SDC1: variants seen among roughly 807,000 people sequenced by gnomAD.
SDC1 encodes the protein syndecan-1.
Under a neutral mutation model 29.7 loss-of-function variants are expected in SDC1, and 14 were observed. The ratio of observed to expected loss-of-function variants is 0.47; its 90% CI spans 0.31 to 0.74. The LOEUF (loss-of-function observed/expected upper bound fraction) is 0.74, where lower values mean the gene tolerates loss of function less well. SDC1 is among the 30% of genes least tolerant of loss of function. SDC1 has a pLI of 0.05. For missense variants in SDC1, 406 were observed against 400.3 expected, an observed-to-expected ratio of 1.01 and a Z score of -0.12; for synonymous variants, 204 against 175.5, an observed-to-expected ratio of 1.16 and a Z score of -1.29.
intron 1 of SDC1, among the ~76,000 whole-genome samples, chr2:20,222,224 G>C (rs573224718): frequency 6.6e-6 from 1 of 152,198 alleles, no homozygotes; most frequent in Admixed American, 6.5e-5. Flanking sequence ...GTCACTCCTT[G>C]CTTCCCTGGT....
rs1677054235 is a variant in SDC1, at chr2:20,202,555, C to A, written c.*211G>T. 3.3e-6 allele frequency: 2 copies of A among 609,358 alleles called. No homozygotes were observed. The highest frequency in any genetic ancestry group is 2.9e-6 in the Non-Finnish European group (1 of 344,918). 37.7% of individuals were successfully genotyped at this position (609,358 alleles called of 1,614,324 possible). A position where few individuals can be genotyped will look rare whatever the true frequency, so the allele number is the denominator to read the frequency against. On this transcript the variant is annotated 3_prime_UTR_variant, in exon 5 of 5. Transcript: ENST00000254351. ...GGTGGAAAGGTCCTATGCGAGAAAC[C>A]CCTGGTGCCCTAAGTCTCCAGGCAG...
chr2:20,223,668 C>T (rs115328534), intron 1 of SDC1, among the ~76,000 whole-genome samples: 6,006 of 152,286 alleles, frequency 0.039, 395 homozygotes, highest in African/African-American at 0.13. Flanking sequence ...CACCTGGCTG[C>T]GGCCCAGGTC....
chr2:20,206,351 G>A (rs893966015), intron 1 of SDC1, among the ~76,000 whole-genome samples: 2 of 152,212 alleles, frequency 1.3e-5, no homozygotes, highest in African/African-American at 2.4e-5. Flanking sequence ...CCTGAGGCCG[G>A]GGCTGACTGG....
Position 20,202,789 on chromosome 2 carries a change from TG to T in SDC1, c.909del (p.Lys304AsnfsTer21). Reference protein sequence around the residue: ...QANGGAYQKPTKQEEFYA With the variant: ...QANGGAYQKPXKQEEFYA ...CGTCAGGCATAGAATTCCTCCTGTT[TG>T]GTGGGCTTCTGGTAGGCCCCGCCGT... On this transcript the variant is annotated frameshift_variant, in exon 5 of 5. Transcript: ENST00000254351. LOFTEE classifies it high-confidence loss of function. 2.5e-6 allele frequency: 4 copies of T among 1,611,232 alleles called. No homozygotes were observed. The highest frequency in any genetic ancestry group is 3.4e-6 in the Non-Finnish European group (4 of 1,178,740).
chr2:20,213,865 G>A (rs938900261), intron 1 of SDC1, among the ~76,000 whole-genome samples: 12 of 152,184 alleles, frequency 7.9e-5, no homozygotes, highest in African/African-American at 2.2e-4. Context: ...ACCTGCAGCC[G>A]GCCAGGGCTC....
Position 20,203,882 on chromosome 2 carries a change from A to C in SDC1, c.558T>G (p.Ser186=). 6.2e-7 allele frequency: 1 copy of C among 1,607,124 alleles called. No homozygotes were observed. Among genetic ancestry groups the C allele is most frequent in the Non-Finnish European group, 8.5e-7 (1 of 1,177,028 alleles). ...HTPHTEDGGP[S]ATERAAEDGA... Reference sequence around the variant, plus strand: ...CATCCTCAGCAGCCCTCTCGGTGGCAGAAGGACCTCCATCCTCTGTGTGGG... The same window carrying C: ...CATCCTCAGCAGCCCTCTCGGTGGCCGAAGGACCTCCATCCTCTGTGTGGG... Residue 186 remains serine, a synonymous_variant, in exon 3 of 5, where the codon TCT becomes TCG. Coordinates refer to ENST00000254351, the MANE Select transcript of SDC1 (RefSeq NM_002997.5).
intron 1 of SDC1, among the ~76,000 whole-genome samples, chr2:20,212,761 C>T (rs907572482): frequency 2.0e-5 from 3 of 152,114 alleles, no homozygotes; most frequent in African/African-American, 7.2e-5. Context: ...GGAGGCTGTC[C>T]CCAGCAGCAC....
chr2:20,207,549 A>G (rs1441829301), intron 1 of SDC1: 2 of 204,974 alleles, frequency 9.8e-6, no homozygotes, highest in Non-Finnish European at 1.7e-5. Flanking sequence ...TACTAAAAAT[A>G]CAAAAATTAG....
intron 1 of SDC1, among the ~76,000 whole-genome samples, chr2:20,209,726 C>G (rs563886460): frequency 1.2e-4 from 19 of 152,374 alleles, no homozygotes; most frequent in Admixed American, 9.8e-4. Context: ...GAGGGCCACT[C>G]TCCTTGGCAA....
chr2:20,217,164 G>A (rs952973289), intron 1 of SDC1, among the ~76,000 whole-genome samples: 2 of 152,142 alleles, frequency 1.3e-5, no homozygotes, highest in African/African-American at 2.4e-5. Flanking sequence ...CTGCTGTATC[G>A]TGGGACTCTG....
At chr2:20,204,646 C>G (rs552616312) in intron 2 of SDC1, among the ~76,000 whole-genome samples, 9 of 152,186 alleles carry the variant, frequency 5.9e-5, no homozygotes, top group African/African-American at 2.2e-4. Context: ...ACTTCTCTGG[C>G]CCCACCCTCC....
At chr2:20,220,558 T>C (rs966684764) in intron 1 of SDC1, among the ~76,000 whole-genome samples, 1 of 152,200 alleles carries the variant, frequency 6.6e-6, no homozygotes, top group Non-Finnish European at 1.5e-5. Context: ...AAAGGTAACC[T>C]TAATTATATC....
At position 20,224,990 on chromosome 2, in the gene SDC1, A is replaced by G; in HGVS notation, c.-123T>C. 1 of 1,134,636 alleles carries G rather than the reference A, an allele frequency of 8.8e-7. No homozygotes were observed. The highest frequency in any genetic ancestry group is 1.1e-6 in the Non-Finnish European group (1 of 916,906). The allele number at this position is 1,134,636 out of a possible 1,614,324, so 70.3% of individuals were successfully genotyped here. ...GCCCAGCGCGCCGCTGTCCCAGGCG[A>G]GGGCTGCAGGGTCCGCCGGCTGGAG... On this transcript the variant is annotated 5_prime_UTR_variant, in exon 1 of 5. Transcript: ENST00000254351. This position sits in a 1 kb window ranked among gnomAD's most constrained non-coding sequence, Gnocchi z 4.9.
rs572821796 is a variant in SDC1, at chr2:20,203,797, T to C, written c.627+16A>G. 61 of 1,539,534 alleles carry C rather than the reference T, an allele frequency of 4.0e-5. 1 individual carries two copies. In the South Asian group the frequency reaches 6.6e-4, roughly 17 times the overall value. On this transcript the variant is annotated intron_variant, in intron 3 of 4. Transcript: ENST00000254351. ...CCAACCCACTCAATTTCCCAAGGAA[T>C]GCAGAGGCCACTCACCTGCTCCCCA...
intron 3 of SDC1, among the ~76,000 whole-genome samples, 198 bp downstream of exon 3, chr2:20,203,615 G>C (rs1236181288): frequency 2.0e-5 from 3 of 152,230 alleles, no homozygotes; most frequent in African/African-American, 4.8e-5. Flanking sequence ...TGATCTTTAA[G>C]GGTGCTTCTG....
chr2:20,218,157 G>A (rs758337647), intron 1 of SDC1, among the ~76,000 whole-genome samples: 2 of 152,182 alleles, frequency 1.3e-5, no homozygotes, highest in Middle Eastern at 3.2e-3. Flanking sequence ...CAGGAAGAAC[G>A]ACCCTTTGGC....
In SDC1 at chr2:20,224,844, G is replaced by C. The variant is rs1345620726; in HGVS notation, c.24C>G (p.Leu8=). 7.9e-7 allele frequency: 1 copy of C among 1,264,006 alleles called. No homozygotes were observed. Among genetic ancestry groups the C allele is most frequent in the East Asian group, 3.2e-5 (1 of 30,782 alleles). 78.3% of individuals were successfully genotyped at this position (1,264,006 alleles called of 1,614,324 possible). Residue 8 remains leucine, a synonymous_variant, in exon 1 of 5, where the codon CTC becomes CTG. Transcript: ENST00000254351. This position sits in a 1 kb window ranked among gnomAD's most constrained non-coding sequence, Gnocchi z 4.9. MRRAALW[L]WLCALALSLQ... is the part of the protein sequence containing the mutation. ...GGCTCAGCGCCAGCGCGCACAGCCA[G>C]AGCCAGAGCGCCGCGCGCCTCATGC...
rs139422006 is a variant in SDC1 at position 20,209,075 on chromosome 2, C to T, written c.67-3651G>A. 3.8e-3 allele frequency among the ~76,000 whole-genome samples: 579 copies of T among 152,272 alleles called. 5 individuals are homozygous for T. The highest frequency in any genetic ancestry group is 0.013 in the African/African-American group (534 of 41,556). ...AGTAAGGGAGTAAGGGTCAGGTCAG[C>T]CCATCTCCATCTCAGCCATGCTGGT... On this transcript the variant is annotated intron_variant, in intron 1 of 4. Coordinates refer to ENST00000254351, the MANE Select transcript of SDC1 (RefSeq NM_002997.5).
chr2:20,223,174 A>G (rs1677875054), intron 1 of SDC1: 1 of 1,113,238 alleles, frequency 9.0e-7, no homozygotes, highest in African/African-American at 1.6e-5. Flanking sequence ...CCTCTCCTGG[A>G]CCGGAAAATG....
Sources: allele counts gnomAD v4.1 joint callset (sites outside exome capture counted in the v4.1 genomes callset), GRCh38; gene constraint gnomAD v4.1.1; non-coding constraint Gnocchi (gnomAD v3.1); transcripts MANE v1.5; gene names NCBI Gene and HGNC (gene_info 2026-07-23, HGNC 2026-07-21).